Variants in GSG1 observed in about 807,000 individuals in gnomAD.
The protein encoded by GSG1 is germ cell-specific gene 1 protein.
Under a neutral mutation model 30.8 loss-of-function variants are expected in GSG1, and 28 were observed. That is an observed-to-expected ratio of 0.91 (90% CI 0.67 to 1.25). GSG1 has a LOEUF of 1.25. Among genes scored for constraint, GSG1 ranks in the 50% most tolerant of loss-of-function variants. GSG1 has a pLI of 0.00. For synonymous variants in GSG1, 162 were observed against 178.0 expected (o/e 0.91, Z 0.71); for missense variants, 435 against 444.7 (o/e 0.98, Z 0.20).
intron 3 of GSG1, 21 bp downstream of exon 3, chr12:13,089,187 G>GATT: frequency 6.4e-7 from 1 of 1,550,980 alleles, no homozygotes; most frequent in Non-Finnish European, 8.7e-7. Context: ...AAGAGTTAAT[G>GATT]ATCTTAGTGT....
In GSG1 at chr12:13,087,187, C is replaced by G. The variant is rs760035760; in HGVS notation, c.711G>C (p.Trp237Cys). 1.9e-6 allele frequency: 3 copies of G among 1,614,040 alleles called. No individual in the cohort carries two copies. The highest frequency in any genetic ancestry group is 2.5e-6 in the Non-Finnish European group (3 of 1,179,918). Residue 237 changes from tryptophan to cysteine, a missense_variant, in exon 6 of 7, where the codon TGG becomes TGC. Transcript: ENST00000651961. The part of the protein sequence containing the change: ...QATVNLGPED[W>C]RPHVWNYGWA... The stretch of plus-strand genomic sequence containing the variant: ...AGCCATAATTCCAAACATGTGGTCT[C>G]CAGTCTTCTGGACCCAAGTTGACAG...
rs556040847 is a variant in GSG1 at position 13,093,948 on chromosome 12, C to G, written c.49-3130G>C. 6.6e-6 allele frequency among the ~76,000 whole-genome samples: 1 copy of G among 152,362 alleles called. No individual in the cohort carries two copies. Among genetic ancestry groups the G allele is most frequent in the East Asian group, 1.9e-4 (1 of 5,184 alleles). ...TAGAGAAGTAATTTGGCAAGTCTCT[C>G]ACTTTGTGTTAGAGCAGTTTATACA... On this transcript the variant is annotated intron_variant, in intron 1 of 6. Transcript: ENST00000651961. This position sits in a 1 kb window ranked among gnomAD's most constrained non-coding sequence, Gnocchi z 4.6.
chr12:13,095,815 A>T, intron 1 of GSG1: 1 of 1,473,778 alleles, frequency 6.8e-7, no homozygotes, highest in Non-Finnish European at 9.0e-7. Flanking sequence ...TTGACAAGGC[A>T]ATCAGGGCCC....
At chr12:13,100,788 C>G (rs1017771540) in intron 1 of GSG1, among the ~76,000 whole-genome samples, 1 of 152,158 alleles carries the variant, frequency 6.6e-6, no homozygotes, top group African/African-American at 2.4e-5. Context: ...ATGACTACAT[C>G]ACTGTAGGGC....
intron 1 of GSG1, among the ~76,000 whole-genome samples, chr12:13,100,998 G>T (rs1424257113): frequency 6.6e-6 from 1 of 152,218 alleles, no homozygotes; most frequent in Non-Finnish European, 1.5e-5. Flanking sequence ...TAATGGAATT[G>T]TTTGAGGACT....
chr12:13,084,974 T>G lies in GSG1; in HGVS notation c.1016A>C (p.Lys339Thr). 4 of 1,552,104 alleles carry G rather than the reference T, an allele frequency of 2.6e-6. No homozygotes were observed. Among genetic ancestry groups the G allele is most frequent in the Non-Finnish European group, 1.7e-6 (2 of 1,147,132 alleles). ...GVDFYSELRN[K>T]GFQRGASQEL... ...CTGGCTGGCCCCTCTTTGAAATCCC[T>G]TGTTCCGCAGCTCGGAGTAGAAGTC... Residue 339 changes from lysine (K) to threonine (T), a missense_variant, in exon 7 of 7, where the codon AAG (lysine) becomes ACG (threonine). Physicochemically the swap from Lys to Thr is moderately conservative, Grantham distance 78. Transcript: ENST00000651961.
At chr12:13,100,850 C>A (rs990569455) in intron 1 of GSG1, among the ~76,000 whole-genome samples, 2 of 152,156 alleles carry the variant, frequency 1.3e-5, no homozygotes, top group Admixed American at 1.3e-4. Flanking sequence ...GGGGCCACAT[C>A]ACCTCAAATG....
chr12:13,098,710 T>G (rs999764211), intron 1 of GSG1, among the ~76,000 whole-genome samples: 3 of 152,106 alleles, frequency 2.0e-5, no homozygotes, highest in Non-Finnish European at 4.4e-5. Flanking sequence ...TGCAGACACT[T>G]CTCATAGCCC....
chr12:13,089,226 C>T lies in GSG1; in HGVS notation c.415G>A (p.Gly139Ser). ...CTAATACCTTTTGCTGCCGCTGTACCACTGGACCGAAGGGCTCTAAATTGT... is the reference window on the plus strand; with the variant it reads ...CTAATACCTTTTGCTGCCGCTGTACTACTGGACCGAAGGGCTCTAAATTGT... Reference protein sequence around the residue: ...WKQFRALRSSGTAAAKGERCR... With the variant: ...WKQFRALRSSSTAAAKGERCR... The change falls in exon 3 of 7, where the codon GGT becomes AGT. Residue 139 changes from glycine to serine, a missense_variant. Physicochemically the swap from Gly to Ser is moderately conservative, Grantham distance 56. Coordinates refer to ENST00000651961, the MANE Select transcript of GSG1 (RefSeq NM_001080555.4). 2 of 1,558,620 alleles carry T rather than the reference C, an allele frequency of 1.3e-6. No individual in the cohort carries two copies. Among genetic ancestry groups the T allele is most frequent in the Non-Finnish European group, 1.7e-6 (2 of 1,150,700 alleles).
At chr12:13,087,830 A>T in intron 5 of GSG1, 77 bp downstream of exon 5, 3 of 1,485,428 alleles carry the variant, frequency 2.0e-6, no homozygotes, top group Non-Finnish European at 2.7e-6. Context: ...CCTTCAGGGC[A>T]AAGACTCAAG....
rs771887535 is a variant in GSG1 at position 13,098,456 on chromosome 12, A to ATTTTTTT, written c.48+5002_48+5008dup. On this transcript the variant is annotated intron_variant, in intron 1 of 6. Transcript: ENST00000651961. ...CTTGTAGGATTGTTTCATGTAGCCC[A>ATTTTTTT]TTTTTTTTTTTTTTTTTTTTTTTTT... 4.9e-4 allele frequency among the ~76,000 whole-genome samples: 23 copies of ATTTTTTT among 47,402 alleles called. 2 individuals are homozygous for ATTTTTTT. The highest frequency in any genetic ancestry group is 6.9e-4 in the Non-Finnish European group (18 of 26,096). 31.1% of individuals were successfully genotyped at this position (47,402 alleles called of 152,430 possible). A position where few individuals can be genotyped will look rare whatever the true frequency, so the allele number is the denominator to read the frequency against.
chr12:13,099,701 A>T (rs1863006310), intron 1 of GSG1, among the ~76,000 whole-genome samples: 1 of 147,744 alleles, frequency 6.8e-6, no homozygotes. Context: ...ATACCACACC[A>T]CTTCTCTAAT....
At position 13,101,391 on chromosome 12, in the gene GSG1, A is replaced by C. The variant is rs1327915538; in HGVS notation, c.48+2074T>G. ...AGGCCCCGCCCCGCGGCCGCCAACC[A>C]CCCATGGCTTCCTGACCGGGTCGGG... On this transcript the variant is annotated intron_variant, in intron 1 of 6. Transcript: ENST00000651961. The surrounding 1 kb of genome is among the most constrained non-coding windows in gnomAD (Gnocchi z 5.8). Among the ~76,000 whole-genome samples, 1 of 151,992 alleles carries C rather than the reference A, an allele frequency of 6.6e-6. No individual in the cohort carries two copies. The highest frequency in any genetic ancestry group is 1.5e-5 in the Non-Finnish European group (1 of 67,958).
intron 3 of GSG1, 93 bp from the exon 4 acceptor site, chr12:13,089,002 G>A: frequency 2.0e-6 from 3 of 1,469,050 alleles, no homozygotes; most frequent in Non-Finnish European, 2.8e-6. Context: ...TGCTCCCTCT[G>A]CTCTGACAGC....
At position 13,083,788 on chromosome 12, in the gene GSG1, G is replaced by T. The variant is rs976987345; in HGVS notation, c.*1113C>A. ...CTGTGAGTGAGAATATGCAGTGTTT[G>T]GTTTTCTATCCTTGCGATAGTTTGC... On this transcript the variant is annotated 3_prime_UTR_variant, in exon 7 of 7. Transcript: ENST00000651961. 6.8e-6 allele frequency: 1 copy of T among 148,082 alleles called. No homozygotes were observed. The highest frequency in any genetic ancestry group is 2.0e-4 in the East Asian group (1 of 5,010). The allele number at this position is 148,082 out of a possible 1,614,324, so 9.2% of individuals were successfully genotyped here. A position where few individuals can be genotyped will look rare whatever the true frequency, so the allele number is the denominator to read the frequency against.
intron 1 of GSG1, among the ~76,000 whole-genome samples, chr12:13,097,370 A>T (rs557197844): frequency 7.9e-4 from 115 of 145,396 alleles, no homozygotes; most frequent in African/African-American, 2.7e-3. Context: ...TGCAACACTT[A>T]TTTTTTTTTT....
Position 13,087,841 on chromosome 12 carries a change from C to G in GSG1, c.634+66G>C, listed in dbSNP as rs576580471. On this transcript the variant is annotated intron_variant, in intron 5 of 6. Coordinates refer to ENST00000651961, the MANE Select transcript of GSG1 (RefSeq NM_001080555.4). Reference sequence around the variant, plus strand: ...CTCCCCTTCAGGGCAAAGACTCAAGCCCTCCAGCTAGGGCTTCAAAAGTGG... The same window carrying G: ...CTCCCCTTCAGGGCAAAGACTCAAGGCCTCCAGCTAGGGCTTCAAAAGTGG... The G allele has an allele frequency of 6.5e-6, 10 of 1,539,274 alleles. No individual in the cohort carries two copies. In the African/African-American group the frequency reaches 1.4e-4, roughly 21 times the overall value.
intron 6 of GSG1, among the ~76,000 whole-genome samples, chr12:13,086,397 A>G (rs1865527361): frequency 6.6e-6 from 1 of 152,222 alleles, no homozygotes. Flanking sequence ...CCTTCCCCGA[A>G]TGGAAACTTG....
chr12:13,085,336 A>T, intron 6 of GSG1, 93 bp from the exon 7 acceptor site: 1 of 1,178,968 alleles, frequency 8.5e-7, no homozygotes, highest in Non-Finnish European at 1.2e-6. Context: ...GGACTAGCTT[A>T]TTGCCTTGTA....
Sources: allele counts gnomAD v4.1 joint callset (sites outside exome capture counted in the v4.1 genomes callset), GRCh38; gene constraint gnomAD v4.1.1; non-coding constraint Gnocchi (gnomAD v3.1); transcripts MANE v1.5; gene names NCBI Gene and HGNC (gene_info 2026-07-23, HGNC 2026-07-21).